L3MBTL2: variants seen among roughly 807,000 people sequenced by gnomAD.
L3MBTL2 encodes lethal(3)malignant brain tumor-like protein 2.
Under a neutral mutation model 86.4 loss-of-function variants are expected in L3MBTL2, and 49 were observed. The observed-to-expected ratio is 0.57, with a 90% CI of 0.45 to 0.72. The LOEUF (loss-of-function observed/expected upper bound fraction) is 0.72. Among genes scored for constraint, L3MBTL2 ranks in the 30% least tolerant of loss-of-function variants. The pLI is 0.00. For synonymous variants in L3MBTL2, 336 were observed against 350.6 expected, an observed-to-expected ratio of 0.96 and a Z score of 0.47; for missense variants, 755 against 923.7, an observed-to-expected ratio of 0.82 and a Z score of 2.37.
At position 41,224,912 on chromosome 22, in the gene L3MBTL2, C is replaced by A; in HGVS notation, c.1252-55C>A. 6.4e-7 allele frequency: 1 copy of A among 1,573,764 alleles called. No homozygotes were observed. The highest frequency in any genetic ancestry group is 8.7e-7 in the Non-Finnish European group (1 of 1,145,120). On this transcript the variant is annotated intron_variant, in intron 10 of 16. Transcript: ENST00000216237. This position sits in a 1 kb window ranked among gnomAD's most constrained non-coding sequence, Gnocchi z 4.9. ...CCTTTCCCTCCTGAGGCCTGCTTCC[C>A]TCACCCTTCCTCCTGGCCTGCCCAG...
At position 41,230,257 on chromosome 22, in the gene L3MBTL2, C is replaced by A. The variant is rs748504977; in HGVS notation, c.*6C>A. On this transcript the variant is annotated 3_prime_UTR_variant, in exon 17 of 17. Coordinates refer to ENST00000216237, the MANE Select transcript of L3MBTL2 (RefSeq NM_031488.5). ...AGCAGGAAACAGACGACTGAGCCTTCCTGCCTCCAGCCTGGCTTCTAGCTG... is the reference window on the plus strand; with the variant it reads ...AGCAGGAAACAGACGACTGAGCCTTACTGCCTCCAGCCTGGCTTCTAGCTG... 1 of 1,609,750 alleles carries A rather than the reference C, an allele frequency of 6.2e-7. No individual in the cohort carries two copies. Among genetic ancestry groups the A allele is most frequent in the Non-Finnish European group, 8.5e-7 (1 of 1,176,386 alleles).
intron 5 of L3MBTL2, 75 bp downstream of exon 5, chr22:41,217,277 G>GT: frequency 8.6e-7 from 1 of 1,161,056 alleles, no homozygotes; most frequent in Non-Finnish European, 1.3e-6. Flanking sequence ...CTTCACCAGG[G>GT]CGGCTTCAGG....
chr22:41,229,642 C>G lies in L3MBTL2; in HGVS notation c.1991C>G (p.Pro664Arg), dbSNP rs375958772. The change falls in exon 16 of 17, where the codon CCT becomes CGT. Residue 664 changes from proline (P) to arginine (R), a missense_variant. By Grantham distance (103) the Pro-to-Arg change is moderately radical (BLOSUM62 -2). Coordinates refer to ENST00000216237, the MANE Select transcript of L3MBTL2 (RefSeq NM_031488.5). ...GGTGCCAGGAAGATCTCGTCGGAGC[C>G]TGTTCCTGGCGAGAGTAAGAGCCAC... Reference protein sequence around the residue: ...PQGARKISSEPVPGEIIAVRV... With the variant: ...PQGARKISSERVPGEIIAVRV... The G allele has an allele frequency of 3.7e-5, 60 of 1,613,544 alleles. 1 individual carries two copies. The highest frequency in any genetic ancestry group is 5.0e-5 in the Non-Finnish European group (59 of 1,180,030).
chr22:41,219,623 C>T, intron 6 of L3MBTL2, 87 bp downstream of exon 6: 1 of 827,874 alleles, frequency 1.2e-6, no homozygotes, highest in East Asian at 2.6e-5. Context: ...CAGGAGTTGG[C>T]TTCATAAAAC....
At chr22:41,217,234 G>C in intron 5 of L3MBTL2, 32 bp downstream of exon 5, 2 of 1,554,702 alleles carry the variant, frequency 1.3e-6, no homozygotes, top group Non-Finnish European at 1.8e-6. Flanking sequence ...GAGGGAGGCC[G>C]GGGAGCCGGG....
chr22:41,221,368 G>A, intron 8 of L3MBTL2, 81 bp downstream of exon 8: 1 of 1,182,602 alleles, frequency 8.5e-7, no homozygotes. Flanking sequence ...ACTGGAGCAT[G>A]TTACCTAAGA....
chr22:41,219,471 T>G lies in L3MBTL2; in HGVS notation c.653T>G (p.Val218Gly). The G allele has an allele frequency of 6.2e-7, 1 of 1,613,878 alleles. No individual in the cohort carries two copies. Among genetic ancestry groups the G allele is most frequent in the Middle Eastern group, 1.7e-4 (1 of 6,060 alleles). The change falls in exon 6 of 17, where the codon GTG becomes GGG. Residue 218 changes from valine (V) to glycine (G), a missense_variant. Physicochemically the swap from Val to Gly is moderately radical, Grantham distance 109. Coordinates refer to ENST00000216237, the MANE Select transcript of L3MBTL2 (RefSeq NM_031488.5). ...EDVMKGMKVE[V>G]LNSDAVLPSR... is the part of the protein sequence containing the mutation. ...GTGATGAAAGGGATGAAGGTGGAGG[T>G]GCTCAACAGTGATGCTGTGCTCCCC...
In L3MBTL2 at chr22:41,230,380, G is replaced by T; in HGVS notation, c.*129G>T. ...CTGTGTAAATTCTGCCCGGTGCTGT[G>T]AAGGCTGGACGGTGGAGGACCTGCT... On this transcript the variant is annotated 3_prime_UTR_variant, in exon 17 of 17. Transcript: ENST00000216237. 2 of 717,560 alleles carry T rather than the reference G, an allele frequency of 2.8e-6. No homozygotes were observed. The highest frequency in any genetic ancestry group is 2.7e-5 in the East Asian group (1 of 37,316). The allele number at this position is 717,560 out of a possible 1,614,324, so 44.4% of individuals were successfully genotyped here.
rs907838787 is a variant in L3MBTL2, at chr22:41,230,470, G to A, written c.*219G>A. ...TGTGGAAAGGTCTATATGACGGGCC[G>A]CCTGAGGCCCCAGAACTCGTCTGTG... On this transcript the variant is annotated 3_prime_UTR_variant, in exon 17 of 17. Coordinates refer to ENST00000216237, the MANE Select transcript of L3MBTL2 (RefSeq NM_031488.5). 14 of 519,152 alleles carry A rather than the reference G, an allele frequency of 2.7e-5. No individual in the cohort carries two copies. Among genetic ancestry groups the A allele is most frequent in the Middle Eastern group, 5.0e-4 (1 of 1,998 alleles). 32.2% of individuals were successfully genotyped at this position (519,152 alleles called of 1,614,324 possible). A position where few individuals can be genotyped will look rare whatever the true frequency, so the allele number is the denominator to read the frequency against.
intron 1 of L3MBTL2, among the ~76,000 whole-genome samples, chr22:41,207,172 T>G (rs541309331): frequency 6.6e-6 from 1 of 152,026 alleles, no homozygotes; most frequent in South Asian, 2.1e-4. Flanking sequence ...ATTGAGCACT[T>G]ACTATATGCA....
At position 41,224,690 on chromosome 22, in the gene L3MBTL2, T is replaced by G. The variant is rs1473700727; in HGVS notation, c.1175-35T>G. 1 of 1,562,304 alleles carries G rather than the reference T, an allele frequency of 6.4e-7. No homozygotes were observed. Among genetic ancestry groups the G allele is most frequent in the Non-Finnish European group, 8.8e-7 (1 of 1,132,988 alleles). On this transcript the variant is annotated intron_variant, in intron 9 of 16. Coordinates refer to ENST00000216237, the MANE Select transcript of L3MBTL2 (RefSeq NM_031488.5). The surrounding 1 kb of genome is among the most constrained non-coding windows in gnomAD (Gnocchi z 4.9). ...GGCCCAGGAGCCGCCTCCAACTCCC[T>G]TCTCTCCCTCATTCCCTATCCATCT...
In L3MBTL2 at chr22:41,227,808, G is replaced by A. The variant is rs35655247; in HGVS notation, c.1827G>A (p.Pro609=). The A allele has an allele frequency of 8.1e-6, 13 of 1,613,602 alleles. No homozygotes were observed. The highest frequency in any genetic ancestry group is 1.7e-4 in the Middle Eastern group (1 of 6,058). ...ACCCTTGTCTTTCAACAACAGAACC[G>A]GCCACACCGCTGAAGGCCAAAGAGG... ...YQLQPPVAAE[P]ATPLKAKEAT... Residue 609 remains proline (P), a synonymous_variant, in exon 15 of 17, where the codon CCG becomes CCA. Coordinates refer to ENST00000216237, the MANE Select transcript of L3MBTL2 (RefSeq NM_031488.5). The surrounding 1 kb of genome is among the most constrained non-coding windows in gnomAD (Gnocchi z 6.0).
intron 2 of L3MBTL2, among the ~76,000 whole-genome samples, chr22:41,212,110 C>T (rs1463577911): frequency 2.0e-5 from 3 of 151,902 alleles, no homozygotes; most frequent in South Asian, 2.1e-4. Flanking sequence ...GTGATCCGCC[C>T]GCCTCAGCCT....
chr22:41,206,505 G>C (rs952089327), intron 1 of L3MBTL2, among the ~76,000 whole-genome samples: 3 of 151,702 alleles, frequency 2.0e-5, no homozygotes, highest in Non-Finnish European at 2.9e-5. Context: ...ACCTATATTT[G>C]AATTGTTTCC....
chr22:41,228,932 G>A (rs1569153945), intron 15 of L3MBTL2, among the ~76,000 whole-genome samples: 1 of 152,114 alleles, frequency 6.6e-6, no homozygotes, highest in Non-Finnish European at 1.5e-5. Flanking sequence ...GGTAGGACCG[G>A]GAATGGTGCA....
intron 1 of L3MBTL2, among the ~76,000 whole-genome samples, chr22:41,207,002 G>A (rs2030275029): frequency 6.6e-6 from 1 of 152,022 alleles, no homozygotes; most frequent in African/African-American, 2.4e-5. Context: ...CTCAATCTTC[G>A]TAAGAATTCT....
Position 41,230,683 on chromosome 22 carries a change from G to GCT in L3MBTL2, c.*437_*438dup, listed in dbSNP as rs1569156048. 5.7e-6 allele frequency: 1 copy of GCT among 174,394 alleles called. No individual in the cohort carries two copies. The highest frequency in any genetic ancestry group is 1.2e-5 in the Non-Finnish European group (1 of 82,796). 10.8% of individuals were successfully genotyped at this position (174,394 alleles called of 1,614,324 possible). Reference sequence around the variant, plus strand: ...GCCATGTAAATTAAGTTCTAGAGCAGCTCTCTGAGCAGGATAAGGTCCCCT... The same window carrying GCT: ...GCCATGTAAATTAAGTTCTAGAGCAGCTCTCTCTGAGCAGGATAAGGTCCCCT... On this transcript the variant is annotated 3_prime_UTR_variant, in exon 17 of 17. Transcript: ENST00000216237.
At chr22:41,219,122 A>T (rs372099165) in intron 5 of L3MBTL2, 6 of 289,742 alleles carry the variant, frequency 2.1e-5, no homozygotes, top group African/African-American at 1.3e-4. Context: ...CCAAGGCATC[A>T]TGTGCCCAAA....
Position 41,217,220 on chromosome 22 carries a change from G to A in L3MBTL2, c.600+18G>A, listed in dbSNP as rs1377610669. 12 of 1,601,356 alleles carry A rather than the reference G, an allele frequency of 7.5e-6. No individual in the cohort carries two copies. The highest frequency in any genetic ancestry group is 1.0e-5 in the Non-Finnish European group (12 of 1,171,202). ...TCAAGCACGTGAGTGCCCTGGAGCT[G>A]AGGGAGGGAGGCCGGGGAGCCGGGC... On this transcript the variant is annotated intron_variant, in intron 5 of 16. Transcript: ENST00000216237.
Sources: allele counts gnomAD v4.1 joint callset (sites outside exome capture counted in the v4.1 genomes callset), GRCh38; gene constraint gnomAD v4.1.1; non-coding constraint Gnocchi (gnomAD v3.1); transcripts MANE v1.5; gene names NCBI Gene and HGNC (gene_info 2026-07-23, HGNC 2026-07-21).